ATP2B2: variants seen among roughly 807,000 people sequenced by gnomAD.
ATP2B2 encodes the protein plasma membrane calcium-transporting ATPase 2.
In ATP2B2, 15 loss-of-function variants were observed where a neutral mutation model predicts 120.0. The observed-to-expected ratio is 0.12, with a 90% CI of 0.08 to 0.19. The LOEUF (loss-of-function observed/expected upper bound fraction) is 0.19, where lower values mean the gene tolerates loss of function less well. Ranked by LOEUF, ATP2B2 falls within the 10% of genes least tolerant of loss-of-function variation. The pLI is 1.00. For missense variants in ATP2B2, 1,045 were observed against 1,719.8 expected (o/e 0.61, Z 6.94); for synonymous variants, 694 against 700.3 (o/e 0.99, Z 0.14).
intron 8 of ATP2B2, among the ~76,000 whole-genome samples, chr3:10,380,312 C>G (rs1045348906): frequency 6.6e-6 from 1 of 152,234 alleles, no homozygotes; most frequent in Non-Finnish European, 1.5e-5. Flanking sequence ...CCTGCACGCT[C>G]ACCCAGAGCT....
intron 2 of ATP2B2, among the ~76,000 whole-genome samples, chr3:10,613,476 C>T (rs1431857128): frequency 6.6e-6 from 1 of 152,078 alleles, no homozygotes; most frequent in Non-Finnish European, 1.5e-5. Context: ...AGACTGTGCC[C>T]TTTAACTTGT....
chr3:10,540,843 A>G (rs1031572381), intron 2 of ATP2B2, among the ~76,000 whole-genome samples: 1 of 151,686 alleles, frequency 6.6e-6, no homozygotes, highest in Non-Finnish European at 1.5e-5. Flanking sequence ...CGTTGTGCAC[A>G]TGTACCCTAG....
At chr3:10,339,568 G>A (rs929296819) in intron 21 of ATP2B2, among the ~76,000 whole-genome samples, 3 of 152,162 alleles carry the variant, frequency 2.0e-5, no homozygotes, top group Non-Finnish European at 2.9e-5. Context: ...GTAGAAAAAC[G>A]AATTGGTGGG....
At chr3:10,333,033 G>T (rs1165567694) in intron 22 of ATP2B2, among the ~76,000 whole-genome samples, 2 of 152,182 alleles carry the variant, frequency 1.3e-5, no homozygotes, top group East Asian at 1.9e-4. Context: ...CTGCGGTCAG[G>T]CTTACCATGT....
intron 2 of ATP2B2, among the ~76,000 whole-genome samples, chr3:10,612,912 A>G (rs1191719660): frequency 6.6e-6 from 1 of 152,200 alleles, no homozygotes; most frequent in Non-Finnish European, 1.5e-5. Flanking sequence ...TGGTAGGAGT[A>G]TCTTTGTTAT....
chr3:10,604,890 C>G (rs910420800), intron 2 of ATP2B2, among the ~76,000 whole-genome samples: 8 of 152,204 alleles, frequency 5.3e-5, no homozygotes, highest in South Asian at 4.1e-4. Flanking sequence ...CCTGCTCCCC[C>G]TCCTCCATGT....
At chr3:10,418,251 T>A (rs1051761195) in intron 2 of ATP2B2, among the ~76,000 whole-genome samples, 1 of 152,168 alleles carries the variant, frequency 6.6e-6, no homozygotes, top group Admixed American at 6.5e-5. Flanking sequence ...GCATTTAAAG[T>A]CATTTTGTAT....
At chr3:10,389,054 A>G (rs1028469494) in intron 5 of ATP2B2, among the ~76,000 whole-genome samples, 4 of 151,702 alleles carry the variant, frequency 2.6e-5, no homozygotes, top group Admixed American at 6.6e-5. Context: ...GTGGCACATG[A>G]TGATACCAGA....
At chr3:10,356,736 G>A (rs767507732) in intron 14 of ATP2B2, among the ~76,000 whole-genome samples, 4 of 152,206 alleles carry the variant, frequency 2.6e-5, no homozygotes, top group African/African-American at 7.2e-5. Context: ...TTTCAGTAAC[G>A]AGATAACACA....
Position 10,329,465 on chromosome 3 carries a change from G to T in ATP2B2, c.3421-340C>A, listed in dbSNP as rs1206872582. Among the ~76,000 whole-genome samples, 2 of 152,100 alleles carry T rather than the reference G, an allele frequency of 1.3e-5. No homozygotes were observed. The highest frequency in any genetic ancestry group is 4.8e-5 in the African/African-American group (2 of 41,414). On this transcript the variant is annotated intron_variant, in intron 22 of 22. Transcript: ENST00000360273. The surrounding 1 kb of genome is among the most constrained non-coding windows in gnomAD (Gnocchi z 5.9). ...GCACCCACACCTAGTGAGAGACTGA[G>T]CCTTGTTCACTTTAAAGCAGAGGTT...
intron 2 of ATP2B2, among the ~76,000 whole-genome samples, chr3:10,432,701 T>C (rs2063356694): frequency 6.6e-6 from 1 of 152,244 alleles, no homozygotes; most frequent in Non-Finnish European, 1.5e-5. Flanking sequence ...GGGGCATGTC[T>C]TCACTAGCTT....
At chr3:10,612,895 T>C (rs2069280765) in intron 2 of ATP2B2, among the ~76,000 whole-genome samples, 1 of 152,170 alleles carries the variant, frequency 6.6e-6, no homozygotes, top group Admixed American at 6.5e-5. Context: ...CCTTGGAAAT[T>C]CCCACATGGT....
rs188219054 is a variant in ATP2B2 at position 10,351,881 on chromosome 3, C to T, written c.2137-1304G>A. Among the ~76,000 whole-genome samples, 519 of 152,330 alleles carry T rather than the reference C, an allele frequency of 3.4e-3. 2 individuals carry two copies. The highest frequency in any genetic ancestry group is 6.0e-3 in the Non-Finnish European group (405 of 68,032). Reference sequence around the variant, plus strand: ...AGCTGAGAGAGAGGCAGAGACAGCTCCTCCCTATCGTCACTGGAAAGAGCC... The same window carrying T: ...AGCTGAGAGAGAGGCAGAGACAGCTTCTCCCTATCGTCACTGGAAAGAGCC... On this transcript the variant is annotated intron_variant, in intron 14 of 22. Coordinates refer to ENST00000360273, the MANE Select transcript of ATP2B2 (RefSeq NM_001001331.4).
intron 2 of ATP2B2, among the ~76,000 whole-genome samples, chr3:10,596,226 C>T (rs948577958): frequency 1.3e-5 from 2 of 152,094 alleles, no homozygotes; most frequent in African/African-American, 4.8e-5. Flanking sequence ...GCTTCCAGGT[C>T]GAGGTGGGAG....
intron 2 of ATP2B2, among the ~76,000 whole-genome samples, chr3:10,603,875 G>C (rs1407336735): frequency 6.6e-6 from 1 of 152,258 alleles, no homozygotes; most frequent in Non-Finnish European, 1.5e-5. Context: ...GGAAATGAAG[G>C]TCTTTTGGGT....
intron 2 of ATP2B2, among the ~76,000 whole-genome samples, chr3:10,420,541 T>C (rs946212317): frequency 2.6e-5 from 4 of 152,158 alleles, no homozygotes; most frequent in East Asian, 1.9e-4. Flanking sequence ...TTTGTATTTT[T>C]AGTTGAGATG....
At chr3:10,661,794 C>T (rs2070787905) in intron 1 of ATP2B2, among the ~76,000 whole-genome samples, 1 of 152,228 alleles carries the variant, frequency 6.6e-6, no homozygotes, top group African/African-American at 2.4e-5. Context: ...TTTGCCAAGT[C>T]AATCCTAAGC....
chr3:10,482,795 C>G (rs2065467859), intron 1 of ATP2B2, among the ~76,000 whole-genome samples: 1 of 152,254 alleles, frequency 6.6e-6, no homozygotes, highest in African/African-American at 2.4e-5. Flanking sequence ...ATATATCCCT[C>G]TGCAGTGAAG....
At chr3:10,374,336 T>C (rs1007787187) in intron 11 of ATP2B2, among the ~76,000 whole-genome samples, 1 of 152,196 alleles carries the variant, frequency 6.6e-6, no homozygotes, top group African/African-American at 2.4e-5. Flanking sequence ...CTCAAGAACC[T>C]TAAAACAGGA....
Sources: allele counts gnomAD v4.1 joint callset (sites outside exome capture counted in the v4.1 genomes callset), GRCh38; gene constraint gnomAD v4.1.1; non-coding constraint Gnocchi (gnomAD v3.1); transcripts MANE v1.5; gene names NCBI Gene and HGNC (gene_info 2026-07-23, HGNC 2026-07-21).